The following CLASP1 variants were observed in gnomAD, a reference collection of about 807,000 sequenced individuals.
CLASP1 encodes the protein cytoplasmic linker associated protein 1.
In CLASP1, 38 loss-of-function variants were observed where a neutral mutation model predicts 192.3. The ratio of observed to expected loss-of-function variants is 0.20; its 90% CI spans 0.15 to 0.26. The LOEUF is 0.26. CLASP1 is among the 10% of genes least tolerant of loss of function. The probability of loss-of-function intolerance (pLI) is 1.00; values close to 1 mark genes in which losing one functional copy is unlikely to be tolerated. For missense variants in CLASP1, 1,433 were observed against 1,932.5 expected, an observed-to-expected ratio of 0.74 and a Z score of 4.85; for synonymous variants, 691 against 712.8, an observed-to-expected ratio of 0.97 and a Z score of 0.49.
intron 8 of CLASP1, among the ~76,000 whole-genome samples, chr2:121,481,703 C>T (rs184000527): frequency 6.6e-6 from 1 of 152,286 alleles, no homozygotes; most frequent in African/African-American, 2.4e-5. Flanking sequence ...ACCGGACTCC[C>T]AGAGCACCAG....
At chr2:121,428,328 T>C (rs1012131778) in intron 20 of CLASP1, among the ~76,000 whole-genome samples, 1 of 152,116 alleles carries the variant, frequency 6.6e-6, no homozygotes, top group Non-Finnish European at 1.5e-5. Context: ...TAGAAAGAAA[T>C]ATGTAAAATA....
intron 37 of CLASP1, among the ~76,000 whole-genome samples, chr2:121,352,712 TAG>T (rs1410097394): frequency 6.6e-6 from 1 of 152,228 alleles, no homozygotes; most frequent in African/African-American, 2.4e-5. Flanking sequence ...TGGAGTGCAA[TAG>T]AGTCATCTGG....
intron 33 of CLASP1, among the ~76,000 whole-genome samples, chr2:121,380,413 G>C (rs1463110391): frequency 6.6e-6 from 1 of 152,200 alleles, no homozygotes; most frequent in Middle Eastern, 3.2e-3. Flanking sequence ...TTAGACTCCA[G>C]AAGGGCTCTC....
At chr2:121,618,571 C>A (rs546678178) in intron 1 of CLASP1, among the ~76,000 whole-genome samples, 2 of 152,030 alleles carry the variant, frequency 1.3e-5, no homozygotes, top group East Asian at 1.9e-4. Context: ...CAAGAATTAT[C>A]TATACAGACA....
At chr2:121,439,744 C>T (rs1261259022) in intron 19 of CLASP1, among the ~76,000 whole-genome samples, 6 of 151,302 alleles carry the variant, frequency 4.0e-5, no homozygotes, top group African/African-American at 9.8e-5. Context: ...CCATGGAATA[C>T]TATGCAGCCA....
chr2:121,482,841 A>T (rs2092695669), intron 8 of CLASP1, among the ~76,000 whole-genome samples: 2 of 152,202 alleles, frequency 1.3e-5, no homozygotes, highest in South Asian at 4.1e-4. Context: ...TGTGTCGTTA[A>T]GGACCATCAT....
intron 34 of CLASP1, among the ~76,000 whole-genome samples, chr2:121,370,239 G>A (rs2068334761): frequency 6.6e-6 from 1 of 152,178 alleles, no homozygotes; most frequent in South Asian, 2.1e-4. Context: ...ATTTAACACA[G>A]TTTTATATCC....
chr2:121,412,399 A>T (rs2077860875), intron 23 of CLASP1, among the ~76,000 whole-genome samples: 1 of 152,144 alleles, frequency 6.6e-6, no homozygotes, highest in African/African-American at 2.4e-5. Flanking sequence ...TATCTATATC[A>T]GTTGAAATAT....
intron 2 of CLASP1, among the ~76,000 whole-genome samples, chr2:121,584,313 A>C (rs1167430265): frequency 6.6e-6 from 1 of 152,198 alleles, no homozygotes; most frequent in Non-Finnish European, 1.5e-5. Context: ...GAAACAGACT[A>C]AGACGTTCTC....
intron 1 of CLASP1, among the ~76,000 whole-genome samples, chr2:121,635,423 C>T (rs1576648700): frequency 6.6e-6 from 1 of 152,046 alleles, no homozygotes; most frequent in Non-Finnish European, 1.5e-5. Flanking sequence ...ATAACCAACA[C>T]CTCAGATAAT....
At chr2:121,418,518 C>T in intron 23 of CLASP1, 104 bp downstream of exon 23, 1 of 773,218 alleles carries the variant, frequency 1.3e-6, no homozygotes, top group Non-Finnish European at 2.2e-6. Flanking sequence ...GAAAGGATCA[C>T]AAGGACAGTA....
intron 2 of CLASP1, among the ~76,000 whole-genome samples, chr2:121,550,384 T>C (rs2057922483): frequency 6.6e-6 from 1 of 151,016 alleles, no homozygotes; most frequent in South Asian, 2.1e-4. Context: ...AGACAAGAAA[T>C]AACCAAAATC....
chr2:121,539,185 G>A (rs1384046786), intron 2 of CLASP1, among the ~76,000 whole-genome samples: 1 of 152,022 alleles, frequency 6.6e-6, no homozygotes, highest in African/African-American at 2.4e-5. Context: ...TCCAAAATAC[G>A]TGTGATAATA....
chr2:121,342,263 A>G (rs896357919), intron 39 of CLASP1, among the ~76,000 whole-genome samples: 1 of 152,060 alleles, frequency 6.6e-6, no homozygotes, highest in Non-Finnish European at 1.5e-5. Flanking sequence ...CTGGGACCAG[A>G]GGTGCACACC....
chr2:121,504,081 A>C (rs1419534867), intron 7 of CLASP1: 1 of 152,196 alleles, frequency 6.6e-6, no homozygotes, highest in African/African-American at 2.4e-5. Context: ...AAATACAAAA[A>C]ATTAGCTGGG....
chr2:121,548,689 C>A (rs1436828703), intron 2 of CLASP1, among the ~76,000 whole-genome samples: 4 of 151,946 alleles, frequency 2.6e-5, no homozygotes, highest in African/African-American at 4.8e-5. Context: ...ACAAAGGGAA[C>A]CCTGTCAGGC....
At chr2:121,462,841 C>T (rs1575096756) in intron 9 of CLASP1, among the ~76,000 whole-genome samples, 1 of 152,112 alleles carries the variant, frequency 6.6e-6, no homozygotes, top group African/African-American at 2.4e-5. Context: ...GTCACTTAGA[C>T]TACCTGTTTA....
intron 39 of CLASP1, among the ~76,000 whole-genome samples, chr2:121,344,160 A>C (rs1027426134): frequency 1.3e-5 from 2 of 152,096 alleles, no homozygotes; most frequent in African/African-American, 4.8e-5. Flanking sequence ...GTTCAAGGTC[A>C]TAAAACTCGT....
At chr2:121,425,210 G>A (rs755481967) in exon 22 of CLASP1, 2 of 1,613,372 alleles carry the variant, frequency 1.2e-6, no homozygotes, top group African/African-American at 1.3e-5. Context: ...TCGCTTTTCT[G>A]AAGACGGTGT....
Sources: gnomAD v4.1 joint callset for allele counts (sites outside exome capture counted in the v4.1 genomes callset) on GRCh38, gnomAD v4.1.1 for gene constraint, MANE v1.5 for transcripts, NCBI Gene and HGNC (gene_info 2026-07-23, HGNC 2026-07-21) for gene names.